Variants in XKR9 observed in about 807,000 individuals in gnomAD.
The protein encoded by XKR9 is XK-related protein 9.
Under a neutral mutation model 32.0 loss-of-function variants are expected in XKR9, and 32 were observed. The observed-to-expected ratio is 1.00, with a 90% CI of 0.76 to 1.34. The LOEUF (loss-of-function observed/expected upper bound fraction) is 1.34. XKR9 is among the 40% of genes most tolerant of loss of function. The pLI, the probability that XKR9 is intolerant of heterozygous loss-of-function variation, is 0.00. For synonymous variants in XKR9, 168 were observed against 143.4 expected, an observed-to-expected ratio of 1.17 and a Z score of -1.22; for missense variants, 546 against 429.7, an observed-to-expected ratio of 1.27 and a Z score of -2.39.
chr8:70,987,030 T>C, the XKR9 span, among the ~76,000 whole-genome samples: 3 of 152,176 alleles, frequency 2.0e-5, no homozygotes, highest in African/African-American at 7.2e-5. Flanking sequence ...ATGTGACTTA[T>C]TCATTACCAT....
At chr8:70,935,265 A>G in the XKR9 span, among the ~76,000 whole-genome samples, 1 of 150,728 alleles carries the variant, frequency 6.6e-6, no homozygotes, top group Non-Finnish European at 1.5e-5. Flanking sequence ...ATTATTACAT[A>G]TATTTATCTA....
At chr8:70,785,620 T>A (rs746620891) in intron 2 of XKR9, among the ~76,000 whole-genome samples, 1 of 150,700 alleles carries the variant, frequency 6.6e-6, no homozygotes, top group African/African-American at 2.4e-5. Flanking sequence ...GAGATCTTTC[T>A]TCTTTTATAA....
At chr8:70,809,696 G>A in the XKR9 span, among the ~76,000 whole-genome samples, 2 of 152,336 alleles carry the variant, frequency 1.3e-5, no homozygotes, top group Non-Finnish European at 1.5e-5. Flanking sequence ...GGGTATCAGT[G>A]ATGGAAGATC....
the XKR9 span, among the ~76,000 whole-genome samples, chr8:70,799,316 G>T: frequency 4.6e-5 from 7 of 151,938 alleles, no homozygotes; most frequent in Non-Finnish European, 1.0e-4. Flanking sequence ...TGGCTATTGT[G>T]AATGAGATTG....
chr8:70,795,865 C>T, the XKR9 span, among the ~76,000 whole-genome samples: 19 of 151,860 alleles, frequency 1.3e-4, no homozygotes, highest in African/African-American at 4.6e-4. Context: ...GTTTAAGTTC[C>T]TTATAGATGC....
At chr8:70,680,041 AAAC>A (rs1005210193) in intron 2 of XKR9, among the ~76,000 whole-genome samples, 14 of 152,134 alleles carry the variant, frequency 9.2e-5, no homozygotes, top group African/African-American at 3.4e-4. Flanking sequence ...TATAGAGAGA[AAAC>A]AACTGAAGTT....
At chr8:70,766,663 T>C (rs1807380567) in intron 2 of XKR9, among the ~76,000 whole-genome samples, 1 of 152,202 alleles carries the variant, frequency 6.6e-6, no homozygotes, top group African/African-American at 2.4e-5. Flanking sequence ...GAGGGCATCC[T>C]TGTCTTGTGC....
At chr8:70,999,281 A>G in the XKR9 span, among the ~76,000 whole-genome samples, 2 of 152,174 alleles carry the variant, frequency 1.3e-5, no homozygotes, top group South Asian at 2.1e-4. Context: ...CTCCAGCCCA[A>G]TGGAGTTGCT....
intron 2 of XKR9, among the ~76,000 whole-genome samples, chr8:70,766,075 T>G (rs897130035): frequency 1.3e-5 from 2 of 151,782 alleles, no homozygotes; most frequent in Non-Finnish European, 2.9e-5. Context: ...TAGGATTGTC[T>G]TGGCTTATAT....
intron 2 of XKR9, among the ~76,000 whole-genome samples, chr8:70,744,617 T>C (rs990788865): frequency 1.3e-5 from 2 of 152,224 alleles, no homozygotes; most frequent in Non-Finnish European, 2.9e-5. Context: ...TAAAAATTAT[T>C]ATTTTTGTGA....
At chr8:70,843,944 A>C in the XKR9 span, among the ~76,000 whole-genome samples, 2 of 152,304 alleles carry the variant, frequency 1.3e-5, no homozygotes, top group East Asian at 3.9e-4. Context: ...GTACACTGAC[A>C]TACTTCTGAG....
chr8:70,759,982 G>A (rs984037326), intron 2 of XKR9, among the ~76,000 whole-genome samples: 2 of 152,066 alleles, frequency 1.3e-5, no homozygotes, highest in African/African-American at 4.8e-5. Context: ...AGGATTTAGT[G>A]TTCTAACTTG....
the XKR9 span, among the ~76,000 whole-genome samples, chr8:70,897,356 A>C: frequency 1.3e-5 from 2 of 152,304 alleles, no homozygotes; most frequent in East Asian, 1.9e-4. Flanking sequence ...AGGAGTGCAG[A>C]TATCTCTTCA....
the XKR9 span, among the ~76,000 whole-genome samples, chr8:70,829,984 T>C: frequency 1.3e-5 from 2 of 152,222 alleles, no homozygotes; most frequent in African/African-American, 4.8e-5. Context: ...CTGTTTTTCT[T>C]TGAGGTGTTA....
chr8:70,760,745 G>T lies in XKR9; in HGVS notation n.353-28594G>T, dbSNP rs189735629. Reference sequence around the variant, plus strand: ...TTTTAAGTTCAGGGGTACATGTGCAGGATGTGCAGGTTTGTTACATAGGTA... The same window carrying T: ...TTTTAAGTTCAGGGGTACATGTGCATGATGTGCAGGTTTGTTACATAGGTA... On this transcript the variant is annotated intron_variant and non_coding_transcript_variant, in intron 2 of 3. Transcript: ENST00000520273. Among the ~76,000 whole-genome samples the T allele has an allele frequency of 7.9e-3, 1,210 of 152,250 alleles. 18 individuals are homozygous for T. The highest frequency in any genetic ancestry group is 0.012 in the Non-Finnish European group (831 of 68,004).
downstream of XKR9, among the ~76,000 whole-genome samples, chr8:70,739,066 G>C (rs923005027): frequency 2.4e-5 from 3 of 122,548 alleles, no homozygotes; most frequent in African/African-American, 7.9e-5. Flanking sequence ...TGTTGACAAT[G>C]AGGTGTTAGT....
intron 3 of XKR9, among the ~76,000 whole-genome samples, chr8:70,696,565 A>G (rs1472533420): frequency 4.0e-5 from 6 of 149,450 alleles, no homozygotes; most frequent in Non-Finnish European, 8.9e-5. Context: ...TACCAGTACC[A>G]TGCTGTTTTG....
the XKR9 span, among the ~76,000 whole-genome samples, chr8:70,856,365 C>A: frequency 6.6e-6 from 1 of 152,178 alleles, no homozygotes; most frequent in African/African-American, 2.4e-5. Context: ...CAACGAAGAT[C>A]AAAAGAGACA....
chr8:70,900,915 T>A, the XKR9 span, among the ~76,000 whole-genome samples: 1 of 152,204 alleles, frequency 6.6e-6, no homozygotes, highest in Non-Finnish European at 1.5e-5. Context: ...GGTGTTTAGT[T>A]TTCTGTCCTT....
Sources: gnomAD v4.1 joint callset for allele counts (sites outside exome capture counted in the v4.1 genomes callset) on GRCh38, gnomAD v4.1.1 for gene constraint, MANE v1.5 for transcripts, NCBI Gene and HGNC (gene_info 2026-07-23, HGNC 2026-07-21) for gene names.